Variants in CELF1 observed in about 807,000 individuals in gnomAD.
The protein encoded by CELF1 is 50 kDa nuclear polyadenylated RNA-binding protein.
CELF1 carries 10 observed loss-of-function variants against 61.8 expected under a neutral mutation model. That is an observed-to-expected ratio of 0.16 (90% CI 0.10 to 0.27). CELF1 has a LOEUF of 0.27. Ranked by LOEUF, CELF1 falls within the 10% of genes least tolerant of loss-of-function variation. The pLI, the probability that CELF1 is intolerant of heterozygous loss-of-function variation, is 1.00. For synonymous variants in CELF1, 236 were observed against 225.1 expected (o/e 1.05, Z -0.43); for missense variants, 380 against 639.1 (o/e 0.59, Z 4.37).
intron 1 of CELF1, among the ~76,000 whole-genome samples, chr11:47,546,745 T>C (rs375364049): frequency 2.0e-5 from 3 of 152,170 alleles, no homozygotes; most frequent in African/African-American, 7.2e-5. Context: ...ATCCTCTTCA[T>C]GTGATACTTT....
intron 1 of CELF1, among the ~76,000 whole-genome samples, chr11:47,525,406 C>G (rs1229824588): frequency 6.6e-6 from 1 of 152,210 alleles, no homozygotes; most frequent in African/African-American, 2.4e-5. Context: ...ATAAGAAATG[C>G]ATGGCTGATT....
At chr11:47,524,298 A>G (rs2153666358) in intron 1 of CELF1, among the ~76,000 whole-genome samples, 1 of 152,228 alleles carries the variant, frequency 6.6e-6, no homozygotes, top group Non-Finnish European at 1.5e-5. Flanking sequence ...GTAACAAAAC[A>G]AAGAGGAAAA....
At position 47,488,823 on chromosome 11, in the gene CELF1, C is replaced by T. The variant is rs374011730; in HGVS notation, c.259+14G>A. The T allele has an allele frequency of 4.1e-6, 6 of 1,454,418 alleles. No individual in the cohort carries two copies. The highest frequency in any genetic ancestry group is 2.6e-5 in the East Asian group (1 of 37,922). 90.1% of individuals were successfully genotyped at this position (1,454,418 alleles called of 1,614,324 possible). A position where few individuals can be genotyped will look rare whatever the true frequency, so the allele number is the denominator to read the frequency against. ...GTGGAAAAAATAAGATAAACCAAAA[C>T]CCAAAGCCCTAACCTTTGCTCTGAG... On this transcript the variant is annotated intron_variant, in intron 4 of 14. Transcript: ENST00000687097.
chr11:47,483,761 C>T (rs77204316), intron 7 of CELF1, among the ~76,000 whole-genome samples: 5,468 of 152,224 alleles, frequency 0.036, 98 homozygotes, highest in Middle Eastern at 0.065. Context: ...CTCATATCCT[C>T]TAGTTCCTCT....
In CELF1 at chr11:47,529,166, C is replaced by T. The variant is rs114669013; in HGVS notation, c.-154+23826G>A. ...AATCTCAGCTCACTGCAACCTCTGC[C>T]TCTCAGGTTCAAGTAATTATCCCAC... On this transcript the variant is annotated intron_variant, in intron 1 of 14. Transcript: ENST00000687097. Among the ~76,000 whole-genome samples the T allele has an allele frequency of 6.1e-3, 919 of 151,788 alleles. 9 individuals are homozygous for T. The highest frequency in any genetic ancestry group is 0.021 in the African/African-American group (882 of 41,392).
Position 47,552,378 on chromosome 11 carries a change from G to C in CELF1, c.-154+614C>G, listed in dbSNP as rs145240718. On this transcript the variant is annotated intron_variant, in intron 1 of 14. Coordinates refer to ENST00000687097, the MANE Select transcript of CELF1 (RefSeq NM_001376376.1). ...TCCCTAGCGAAGAAAGCGCTTTAAT[G>C]TGCTCCTCCCGCTCCCGGGTGCGAG... Among the ~76,000 whole-genome samples the C allele has an allele frequency of 9.7e-3, 1,484 of 152,322 alleles. 13 individuals are homozygous for C. The highest frequency in any genetic ancestry group is 0.034 in the Middle Eastern group (10 of 294).
In CELF1 at chr11:47,472,224, G is replaced by T. The variant is rs1275465163; in HGVS notation, c.*6C>A. 1 of 1,613,656 alleles carries T rather than the reference G, an allele frequency of 6.2e-7. No individual in the cohort carries two copies. The highest frequency in any genetic ancestry group is 8.5e-7 in the Non-Finnish European group (1 of 1,179,902). On this transcript the variant is annotated 3_prime_UTR_variant, in exon 15 of 15. Coordinates refer to ENST00000687097, the MANE Select transcript of CELF1 (RefSeq NM_001376376.1). ...CCTCTCACTCCAGTCTCAGAGGGGA[G>T]CACGCTCAGTAGGGCTTGCTGTCAT...
chr11:47,518,341 T>A (rs1049181394), intron 1 of CELF1, among the ~76,000 whole-genome samples: 3 of 152,240 alleles, frequency 2.0e-5, no homozygotes, highest in Admixed American at 2.0e-4. Context: ...TGTATAGCTA[T>A]ACATTTTCTT....
chr11:47,545,446 T>C (rs960629993), intron 1 of CELF1, among the ~76,000 whole-genome samples: 1 of 151,870 alleles, frequency 6.6e-6, no homozygotes, highest in Non-Finnish European at 1.5e-5. Flanking sequence ...AACAAATAAA[T>C]ACTGACCTTC....
At chr11:47,480,189 C>A (rs1230660351) in intron 9 of CELF1, among the ~76,000 whole-genome samples, 1 of 151,398 alleles carries the variant, frequency 6.6e-6, no homozygotes, top group South Asian at 2.1e-4. Flanking sequence ...CAGGTTCAAG[C>A]GATTCTCCTG....
At chr11:47,481,141 T>C (rs1211429035) in intron 9 of CELF1, among the ~76,000 whole-genome samples, 1 of 119,808 alleles carries the variant, frequency 8.3e-6, no homozygotes, top group Admixed American at 1.1e-4. Context: ...AGACAGAGTC[T>C]CGCTCTATTG....
intron 9 of CELF1, among the ~76,000 whole-genome samples, chr11:47,480,056 C>T (rs1465279271): frequency 6.8e-6 from 1 of 147,308 alleles, no homozygotes; most frequent in Non-Finnish European, 1.5e-5. Context: ...TGATGATGTA[C>T]TATCACACAG....
rs1319417362 is a variant in CELF1 at position 47,504,584 on chromosome 11, AC to A, written c.-153-3653del. ...ACAGCGTGAGACCCTGCCTTACAAA[AC>A]AAAATAAATAAAACATAAAAAACCT... On this transcript the variant is annotated intron_variant, in intron 1 of 14. Transcript: ENST00000687097. Among the ~76,000 whole-genome samples, 76 of 151,310 alleles carry A rather than the reference AC, an allele frequency of 5.0e-4. 1 individual carries two copies. Among genetic ancestry groups the A allele is most frequent in the Middle Eastern group, 3.4e-3 (1 of 292 alleles).
At chr11:47,503,944 G>T (rs1390202244) in intron 1 of CELF1, among the ~76,000 whole-genome samples, 5 of 152,150 alleles carry the variant, frequency 3.3e-5, no homozygotes. Flanking sequence ...GGAGGCCAAG[G>T]TGGGCAGACT....
chr11:47,504,340 C>G (rs2094272497), intron 1 of CELF1, among the ~76,000 whole-genome samples: 1 of 152,120 alleles, frequency 6.6e-6, no homozygotes, highest in Non-Finnish European at 1.5e-5. Context: ...AATCCCAGCA[C>G]TTTGGGAGGC....
intron 1 of CELF1, among the ~76,000 whole-genome samples, chr11:47,505,100 A>G (rs955908873): frequency 6.6e-6 from 1 of 151,016 alleles, no homozygotes; most frequent in Non-Finnish European, 1.5e-5. Context: ...TTAATCACAG[A>G]AAGACTCTGT....
upstream of CELF1, among the ~76,000 whole-genome samples, chr11:47,554,669 T>G (rs188428872): frequency 8.9e-3 from 1,345 of 151,974 alleles, 23 homozygotes; most frequent in African/African-American, 0.031. Context: ...CACAGTTTTT[T>G]TTTTTTTTTG....
chr11:47,482,854 AC>A lies in CELF1; in HGVS notation c.608del (p.Gly203ValfsTer8). 1 of 1,613,134 alleles carries A rather than the reference AC, an allele frequency of 6.2e-7. No homozygotes were observed. Among genetic ancestry groups the A allele is most frequent in the Non-Finnish European group, 8.5e-7 (1 of 1,179,516 alleles). On this transcript the variant is annotated frameshift_variant and splice_region_variant, in exon 9 of 15. Coordinates refer to ENST00000687097, the MANE Select transcript of CELF1 (RefSeq NM_001376376.1). LOFTEE classifies it high-confidence loss of function. ...KAMHQAQTME[G>X]CSSPMVVKFA... ...ATTTTACCACCATGGGTGATGAGCA[AC>A]CCTGTGAAAAGACCATAACGAAAGG...
chr11:47,536,911 CA>C (rs1295067594), intron 1 of CELF1, among the ~76,000 whole-genome samples: 2 of 152,144 alleles, frequency 1.3e-5, no homozygotes, highest in African/African-American at 4.8e-5. Flanking sequence ...GTAGGAAGGA[CA>C]AGTCCACAGT....
Sources: allele counts gnomAD v4.1 joint callset (sites outside exome capture counted in the v4.1 genomes callset), GRCh38; gene constraint gnomAD v4.1.1; transcripts MANE v1.5; gene names NCBI Gene and HGNC (gene_info 2026-07-23, HGNC 2026-07-21).